Variants in ILK observed in about 807,000 individuals in gnomAD.
The protein encoded by ILK is integrin linked kinase.
ILK carries 37 observed loss-of-function variants against 57.8 expected under a neutral mutation model. The ratio of observed to expected loss-of-function variants is 0.64; its 90% CI spans 0.49 to 0.84. The LOEUF (loss-of-function observed/expected upper bound fraction) is 0.84. Among genes scored for constraint, ILK ranks in the 40% least tolerant of loss-of-function variants. ILK has a pLI of 0.00. For missense variants in ILK, 528 were observed against 595.7 expected (o/e 0.89, Z 1.18); for synonymous variants, 231 against 202.2 (o/e 1.14, Z -1.21).
chr11:6,608,365 T>C lies in ILK; in HGVS notation c.256-29T>C, dbSNP rs753995645. ...TTTGGAACTGACTGTACTTTCTGCC[T>C]CTTCTTTTTGTCTGGCCATGGGGTC... On this transcript the variant is annotated intron_variant, in intron 3 of 12. Transcript: ENST00000299421. The surrounding 1 kb of genome is among the most constrained non-coding windows in gnomAD (Gnocchi z 4.9). The C allele has an allele frequency of 1.2e-6, 2 of 1,606,564 alleles. No homozygotes were observed. The highest frequency in any genetic ancestry group is 2.2e-5 in the South Asian group (2 of 90,934).
At position 6,610,135 on chromosome 11, in the gene ILK, C is replaced by T; in HGVS notation, c.1079-13C>T. The stretch of plus-strand genomic sequence containing the variant: ...GGCAAGGGGGCCAGAACAGACAAGC[C>T]CTATCTCTCCAGCTCTGCAGAAGAA... On this transcript the variant is annotated splice_polypyrimidine_tract_variant and intron_variant, in intron 11 of 12. Transcript: ENST00000299421. The T allele has an allele frequency of 6.2e-7, 1 of 1,614,182 alleles. No individual in the cohort carries two copies. The highest frequency in any genetic ancestry group is 8.5e-7 in the Non-Finnish European group (1 of 1,180,036).
Position 6,608,185 on chromosome 11 carries a change from C to T in ILK, c.229C>T (p.His77Tyr), listed in dbSNP as rs750788075. The T allele has an allele frequency of 1.9e-5, 30 of 1,614,082 alleles. No homozygotes were observed. The highest frequency in any genetic ancestry group is 2.5e-5 in the Non-Finnish European group (29 of 1,180,044). ...CACCCCCCTGCATCTGGCAGCCAGT[C>T]ATGGACACCGTGATATTGTACAGAA... ...DDTPLHLAAS[H>Y]GHRDIVQKLL... Residue 77 changes from histidine (H) to tyrosine (Y), a missense_variant, in exon 3 of 13, where the codon CAT becomes TAT. Physicochemically the swap from His to Tyr is moderately conservative, Grantham distance 83. Transcript: ENST00000299421. The surrounding 1 kb of genome is among the most constrained non-coding windows in gnomAD (Gnocchi z 4.9).
At chr11:6,607,035 A>G (rs1327936992) in intron 2 of ILK, 1 of 152,440 alleles carries the variant, frequency 6.6e-6, no homozygotes, top group East Asian at 1.9e-4. Flanking sequence ...CTTCAGCTGT[A>G]CGGGCATCTG....
chr11:6,606,187 A>G (rs570537652), intron 2 of ILK: 193 of 152,342 alleles, frequency 1.3e-3, no homozygotes, highest in Non-Finnish European at 2.2e-3. Context: ...AAGAAAAAGA[A>G]AACAAAAGTT....
At position 6,608,795 on chromosome 11, in the gene ILK, A is replaced by G. The variant is rs1311618974; in HGVS notation, c.448+5A>G. The G allele has an allele frequency of 1.9e-6, 3 of 1,613,282 alleles. No individual in the cohort carries two copies. In the South Asian group the frequency reaches 3.3e-5, roughly 18 times the overall value. On this transcript the variant is annotated splice_donor_5th_base_variant and intron_variant, in intron 5 of 12. Coordinates refer to ENST00000299421, the MANE Select transcript of ILK (RefSeq NM_004517.4). The surrounding 1 kb of genome is among the most constrained non-coding windows in gnomAD (Gnocchi z 4.9). ...CCCTGAGAGAGCTTCTCCGAGGTCC[A>G]TCTCCCCATCCCCTAGCTTGTGTCC...
intron 2 of ILK, chr11:6,604,566 C>A (rs945459393): frequency 1.6e-6 from 1 of 643,504 alleles, no homozygotes; most frequent in South Asian, 1.7e-5. Flanking sequence ...CAGGCAGAGG[C>A]TACAGAGAGC....
Position 6,609,865 on chromosome 11 carries a change from C to T in ILK, c.978+20C>T. 6.2e-7 allele frequency: 1 copy of T among 1,614,234 alleles called. No homozygotes were observed. Among genetic ancestry groups the T allele is most frequent in the Non-Finnish European group, 8.5e-7 (1 of 1,180,036 alleles). On this transcript the variant is annotated intron_variant, in intron 10 of 12. Coordinates refer to ENST00000299421, the MANE Select transcript of ILK (RefSeq NM_004517.4). ...GTAATGGTGAGGCCACAAGCTCACT[C>T]CTGGCCCAGGCCCCAAAAGCCCTTT... is the stretch of plus-strand genomic sequence containing the variant.
In ILK at chr11:6,608,825, G is replaced by A. The variant is rs758274258; in HGVS notation, c.448+35G>A. On this transcript the variant is annotated intron_variant, in intron 5 of 12. Coordinates refer to ENST00000299421, the MANE Select transcript of ILK (RefSeq NM_004517.4). This position sits in a 1 kb window ranked among gnomAD's most constrained non-coding sequence, Gnocchi z 4.9. The stretch of plus-strand genomic sequence containing the variant: ...CCCATCCCCTAGCTTGTGTCCTCTC[G>A]TCCCTTCCCACCTGTCTTCTCCCTC... 8.7e-6 allele frequency: 14 copies of A among 1,612,290 alleles called. No homozygotes were observed. Among genetic ancestry groups the A allele is most frequent in the Middle Eastern group, 1.6e-4 (1 of 6,078 alleles).
At position 6,610,257 on chromosome 11, in the gene ILK, C is replaced by A. The variant is rs769331209; in HGVS notation, c.1188C>A (p.Ser396=). The change falls in exon 12 of 13, where the codon TCC becomes TCA. Residue 396 remains serine, a synonymous_variant. Coordinates refer to ENST00000299421, the MANE Select transcript of ILK (RefSeq NM_004517.4). ...VTREVPFADL[S]NMEIGMKVAL... is the part of the protein sequence containing the mutation. ...GGGAGGTACCCTTTGCTGACCTCTC[C>A]AATATGGAGATTGGAATGAAGGTGA... The A allele has an allele frequency of 1.3e-5, 21 of 1,614,016 alleles. No individual in the cohort carries two copies. In the African/African-American group the frequency reaches 1.5e-4, roughly 11 times the overall value.
Position 6,608,305 on chromosome 11 carries a change from TCCC to T in ILK, c.256-86_256-84del. 1.3e-6 allele frequency: 2 copies of T among 1,558,886 alleles called. No individual in the cohort carries two copies. Among genetic ancestry groups the T allele is most frequent in the Non-Finnish European group, 1.8e-6 (2 of 1,129,730 alleles). On this transcript the variant is annotated intron_variant, in intron 3 of 12. Transcript: ENST00000299421. The surrounding 1 kb of genome is among the most constrained non-coding windows in gnomAD (Gnocchi z 4.9). ...ATACAGTAGAAAGCATGTGTGCTCT[TCCC>T]CCTTTTCCCATGCCCTGACACCAGT...
Position 6,608,307 on chromosome 11 carries a change from C to A in ILK, c.256-87C>A. 1 of 1,563,390 alleles carries A rather than the reference C, an allele frequency of 6.4e-7. No individual in the cohort carries two copies. Among genetic ancestry groups the A allele is most frequent in the Admixed American group, 1.7e-5 (1 of 59,890 alleles). ...ACAGTAGAAAGCATGTGTGCTCTTC[C>A]CCCTTTTCCCATGCCCTGACACCAG... On this transcript the variant is annotated intron_variant, in intron 3 of 12. Coordinates refer to ENST00000299421, the MANE Select transcript of ILK (RefSeq NM_004517.4). This position sits in a 1 kb window ranked among gnomAD's most constrained non-coding sequence, Gnocchi z 4.9.
chr11:6,606,227 T>C (rs1589929496), intron 2 of ILK: 1 of 152,188 alleles, frequency 6.6e-6, no homozygotes, highest in Admixed American at 6.5e-5. Context: ...AAAGTGAATG[T>C]ACACCAGTTC....
chr11:6,608,485 C>G lies in ILK; in HGVS notation c.347C>G (p.Ala116Gly). The part of the protein sequence containing the change: ...YACFWGQDQV[A>G]EDLVANGALV... ...TGTTTTTGGGGCCAAGATCAAGTGG[C>G]AGAGGTGAGTACTCAGCCCTTAATT... The change falls in exon 4 of 13, where the codon GCA (alanine) becomes GGA (glycine). Residue 116 changes from alanine (A) to glycine (G), a missense_variant. Physicochemically the swap from Ala to Gly is moderately conservative, Grantham distance 60. Coordinates refer to ENST00000299421, the MANE Select transcript of ILK (RefSeq NM_004517.4). The surrounding 1 kb of genome is among the most constrained non-coding windows in gnomAD (Gnocchi z 4.9). 6.2e-7 allele frequency: 1 copy of G among 1,612,036 alleles called. No homozygotes were observed. The highest frequency in any genetic ancestry group is 1.1e-5 in the South Asian group (1 of 91,040).
At chr11:6,609,899 A>G in intron 10 of ILK, 37 bp from the exon 11 acceptor site, 3 of 1,614,172 alleles carry the variant, frequency 1.9e-6, no homozygotes, top group Admixed American at 1.7e-5. Flanking sequence ...TTGCCTATCT[A>G]TGACTTACCT....
In ILK at chr11:6,610,721, C is replaced by A; in HGVS notation, c.*110C>A. ...GCCTCCCCCGCCTCCAGTCATGGTACTACCCCAGCCATGGGGTCCATCCCC... is the reference window on the plus strand; with the variant it reads ...GCCTCCCCCGCCTCCAGTCATGGTAATACCCCAGCCATGGGGTCCATCCCC... On this transcript the variant is annotated 3_prime_UTR_variant, in exon 13 of 13. Transcript: ENST00000299421. The A allele has an allele frequency of 7.0e-7, 1 of 1,419,212 alleles. No individual in the cohort carries two copies. The highest frequency in any genetic ancestry group is 9.9e-7 in the Non-Finnish European group (1 of 1,013,926). 87.9% of individuals were successfully genotyped at this position (1,419,212 alleles called of 1,614,324 possible). A position where few individuals can be genotyped will look rare whatever the true frequency, so the allele number is the denominator to read the frequency against.
chr11:6,605,201 C>A (rs1564841866), intron 2 of ILK, among the ~76,000 whole-genome samples: 1 of 152,108 alleles, frequency 6.6e-6, no homozygotes, highest in Non-Finnish European at 1.5e-5. Context: ...GGGGAGGAAT[C>A]TGACTTGGAG....
chr11:6,609,703 T>G, intron 9 of ILK, 21 bp from the exon 10 acceptor site: 1 of 1,614,214 alleles, frequency 6.2e-7, no homozygotes, highest in African/African-American at 1.3e-5. Flanking sequence ...TCTGAACTAT[T>G]TGACTTTTGC....
chr11:6,609,148 T>G lies in ILK; in HGVS notation c.610T>G (p.Ser204Ala), dbSNP rs1196872015. 1.1e-5 allele frequency: 17 copies of G among 1,613,696 alleles called. No homozygotes were observed. Among genetic ancestry groups the G allele is most frequent in the Non-Finnish European group, 1.4e-5 (16 of 1,179,708 alleles). The change falls in exon 7 of 13, where the codon TCT becomes GCT. Residue 204 changes from serine (S) to alanine (A), a missense_variant. Transcript: ENST00000299421. ...NFLTKLNENH[S>A]GELWKGRWQG... is the part of the protein sequence containing the mutation. ...CCTGACGAAGCTCAACGAGAATCAC[T>G]CTGGAGAGGTGACCCCTGCCCTTCT...
Position 6,610,210 on chromosome 11 carries a change from C to G in ILK, c.1141C>G (p.Leu381Val). ...RSADMWSFAV[L>V]LWELVTREVP... ...AGCAGACATGTGGAGTTTTGCAGTGCTTCTGTGGGAACTGGTGACACGGGA... is the reference window on the plus strand; with the variant it reads ...AGCAGACATGTGGAGTTTTGCAGTGGTTCTGTGGGAACTGGTGACACGGGA... Residue 381 changes from leucine to valine, a missense_variant, in exon 12 of 13, where the codon CTT (leucine) becomes GTT (valine). Transcript: ENST00000299421. The G allele has an allele frequency of 6.2e-7, 1 of 1,614,230 alleles. No homozygotes were observed. The highest frequency in any genetic ancestry group is 1.1e-5 in the South Asian group (1 of 91,092).
Sources: allele counts gnomAD v4.1 joint callset (sites outside exome capture counted in the v4.1 genomes callset), GRCh38; gene constraint gnomAD v4.1.1; non-coding constraint Gnocchi (gnomAD v3.1); transcripts MANE v1.5; gene names NCBI Gene and HGNC (gene_info 2026-07-23, HGNC 2026-07-21).